Variants in TMEM132C observed in about 807,000 individuals in gnomAD.
The protein encoded by TMEM132C is protein phosphatase 1, regulatory subunit 152.
Under a neutral mutation model 61.4 loss-of-function variants are expected in TMEM132C, and 29 were observed. The observed-to-expected ratio is 0.47, with a 90% CI of 0.35 to 0.64. The LOEUF is 0.64. TMEM132C is among the 30% of genes least tolerant of loss of function. TMEM132C has a pLI of 0.00. For synonymous variants in TMEM132C, 656 were observed against 633.1 expected (o/e 1.04, Z -0.54); for missense variants, 1,408 against 1,476.9 (o/e 0.95, Z 0.76).
intron 1 of TMEM132C, among the ~76,000 whole-genome samples, chr12:128,410,552 C>A (rs1391309530): frequency 3.3e-5 from 5 of 151,862 alleles, no homozygotes; most frequent in Admixed American, 3.3e-4. Context: ...ACAGGTGCAC[C>A]CCACCACACC....
intron 2 of TMEM132C, among the ~76,000 whole-genome samples, chr12:128,534,528 A>G (rs1207600844): frequency 6.6e-6 from 1 of 152,244 alleles, no homozygotes; most frequent in African/African-American, 2.4e-5. Flanking sequence ...ACCCTCCAGA[A>G]GCAGGGCTGG....
At chr12:128,627,329 A>G (rs1363745403) in intron 4 of TMEM132C, among the ~76,000 whole-genome samples, 1 of 151,914 alleles carries the variant, frequency 6.6e-6, no homozygotes, top group African/African-American at 2.4e-5. Context: ...TGACAGCTGG[A>G]ATTTCATCTC....
chr12:128,289,876 G>A (rs1871198999), intron 1 of TMEM132C, among the ~76,000 whole-genome samples: 1 of 152,178 alleles, frequency 6.6e-6, no homozygotes, highest in African/African-American at 2.4e-5. Context: ...CTGATAGCAT[G>A]TTTAAAGGTC....
chr12:128,395,619 G>A (rs935473500), intron 1 of TMEM132C, among the ~76,000 whole-genome samples: 5 of 152,280 alleles, frequency 3.3e-5, no homozygotes, highest in Non-Finnish European at 1.5e-5. Flanking sequence ...CAAAATCATC[G>A]AACACAAAGC....
chr12:128,412,358 C>T (rs1565928340), intron 1 of TMEM132C, among the ~76,000 whole-genome samples: 1 of 152,198 alleles, frequency 6.6e-6, no homozygotes, highest in Non-Finnish European at 1.5e-5. Context: ...TAATAACCAA[C>T]CTTGTAGACT....
intron 2 of TMEM132C, among the ~76,000 whole-genome samples, chr12:128,416,035 A>G (rs1258170321): frequency 6.6e-6 from 1 of 152,118 alleles, no homozygotes; most frequent in Non-Finnish European, 1.5e-5. Flanking sequence ...CACTTTGGGT[A>G]TATATGTGAA....
chr12:128,676,733 C>A (rs78862456), intron 5 of TMEM132C, among the ~76,000 whole-genome samples: 2,163 of 152,260 alleles, frequency 0.014, 52 homozygotes, highest in African/African-American at 0.049. Flanking sequence ...CTTTTCAGTC[C>A]TGGTTTGTCT....
intron 1 of TMEM132C, among the ~76,000 whole-genome samples, chr12:128,298,107 C>A (rs1225021724): frequency 6.6e-6 from 1 of 152,192 alleles, no homozygotes; most frequent in African/African-American, 2.4e-5. Context: ...CATTTTATCT[C>A]CTCTCCTTCT....
intron 1 of TMEM132C, among the ~76,000 whole-genome samples, chr12:128,293,935 A>C (rs1402858221): frequency 6.6e-6 from 1 of 152,118 alleles, no homozygotes; most frequent in East Asian, 1.9e-4. Context: ...CGCATTGTGA[A>C]TTTTCATAAT....
chr12:128,531,174 A>T (rs1341266716), intron 2 of TMEM132C, among the ~76,000 whole-genome samples: 3 of 152,216 alleles, frequency 2.0e-5, no homozygotes, highest in African/African-American at 7.2e-5. Context: ...AGAACAGGGG[A>T]AAAAGAAATA....
chr12:128,353,363 G>A (rs1357601435), intron 1 of TMEM132C, among the ~76,000 whole-genome samples: 3 of 152,150 alleles, frequency 2.0e-5, no homozygotes, highest in South Asian at 2.1e-4. Context: ...AAGATGGCGC[G>A]GGACTTTCAC....
intron 4 of TMEM132C, among the ~76,000 whole-genome samples, chr12:128,627,778 C>G (rs1415880286): frequency 1.3e-5 from 2 of 152,246 alleles, no homozygotes; most frequent in African/African-American, 4.8e-5. Flanking sequence ...CTGCAGTGTC[C>G]CAGCTCCCTC....
At chr12:128,603,964 A>G (rs894572869) in intron 3 of TMEM132C, among the ~76,000 whole-genome samples, 5 of 152,226 alleles carry the variant, frequency 3.3e-5, no homozygotes, top group African/African-American at 1.2e-4. Context: ...AAGTAGGGTC[A>G]TATTAGCTGC....
chr12:128,604,552 G>T (rs938837504), intron 3 of TMEM132C, among the ~76,000 whole-genome samples: 1 of 148,002 alleles, frequency 6.8e-6, no homozygotes, highest in East Asian at 2.0e-4. Context: ...ATAGATAATA[G>T]ATGGATAGAT....
intron 2 of TMEM132C, among the ~76,000 whole-genome samples, chr12:128,484,123 C>G (rs1455979761): frequency 6.6e-6 from 1 of 152,206 alleles, no homozygotes; most frequent in Non-Finnish European, 1.5e-5. Context: ...TCCCACCCAT[C>G]AGAGAGCTGT....
At chr12:128,685,322 T>A (rs1180993002) in intron 5 of TMEM132C, among the ~76,000 whole-genome samples, 1 of 152,200 alleles carries the variant, frequency 6.6e-6, no homozygotes, top group African/African-American at 2.4e-5. Flanking sequence ...CTCCAGCGTT[T>A]GGTTGTTCAA....
chr12:128,448,919 C>T (rs941933027), intron 2 of TMEM132C, among the ~76,000 whole-genome samples: 4 of 151,718 alleles, frequency 2.6e-5, no homozygotes, highest in African/African-American at 9.7e-5. Context: ...GGGCGGATCA[C>T]GAGGTCAGGA....
At chr12:128,357,321 C>T (rs898065180) in intron 1 of TMEM132C, among the ~76,000 whole-genome samples, 10 of 152,210 alleles carry the variant, frequency 6.6e-5, no homozygotes, top group Middle Eastern at 3.4e-3. Context: ...TCATGGAGGG[C>T]GCCCCAGGAG....
At chr12:128,403,552 A>G (rs981626593) in intron 1 of TMEM132C, among the ~76,000 whole-genome samples, 1 of 152,184 alleles carries the variant, frequency 6.6e-6, no homozygotes, top group Non-Finnish European at 1.5e-5. Context: ...CACATTTGAA[A>G]TAATGGTAAT....
Sources: gnomAD v4.1 joint callset for allele counts (sites outside exome capture counted in the v4.1 genomes callset) on GRCh38, gnomAD v4.1.1 for gene constraint, MANE v1.5 for transcripts, NCBI Gene and HGNC (gene_info 2026-07-23, HGNC 2026-07-21) for gene names.